The following SYT9 variants were observed in gnomAD, a reference collection of about 807,000 sequenced individuals.
The protein encoded by SYT9 is synaptotagmin-9.
In SYT9, 22 loss-of-function variants were observed where a neutral mutation model predicts 48.4. The ratio of observed to expected loss-of-function variants is 0.45; its 90% confidence interval spans 0.32 to 0.65. The LOEUF is 0.65. Among genes scored for constraint, SYT9 ranks in the 30% least tolerant of loss-of-function variants. The pLI is 0.03. For missense variants in SYT9, 577 were observed against 622.0 expected, an observed-to-expected ratio of 0.93 and a Z score of 0.77; for synonymous variants, 265 against 245.0, an observed-to-expected ratio of 1.08 and a Z score of -0.76.
At chr11:7,357,515 G>T (rs959208912) in intron 3 of SYT9, among the ~76,000 whole-genome samples, 2 of 152,124 alleles carry the variant, frequency 1.3e-5, no homozygotes, top group African/African-American at 4.8e-5. Flanking sequence ...CAGCTTCTCT[G>T]AGAGAATCCT....
At chr11:7,354,235 T>C (rs1849974712) in intron 3 of SYT9, among the ~76,000 whole-genome samples, 1 of 152,170 alleles carries the variant, frequency 6.6e-6, no homozygotes, top group South Asian at 2.1e-4. Context: ...TACCCCCTTG[T>C]CTCCTTTCTG....
intron 3 of SYT9, among the ~76,000 whole-genome samples, chr11:7,411,747 G>A (rs1847140243): frequency 6.6e-6 from 1 of 152,068 alleles, no homozygotes; most frequent in African/African-American, 2.4e-5. Context: ...CCCTATATGA[G>A]TCTTTTCTAG....
intron 3 of SYT9, among the ~76,000 whole-genome samples, chr11:7,346,614 C>G (rs1040834943): frequency 6.6e-6 from 1 of 152,138 alleles, no homozygotes; most frequent in African/African-American, 2.4e-5. Context: ...GGTCTTTTGG[C>G]GTGTACTGCT....
intron 6 of SYT9, among the ~76,000 whole-genome samples, chr11:7,426,794 A>G (rs577843331): frequency 9.2e-4 from 140 of 152,052 alleles, no homozygotes; most frequent in African/African-American, 1.8e-3. Flanking sequence ...ATTTCCCTCT[A>G]CCTATGACTC....
intron 1 of SYT9, among the ~76,000 whole-genome samples, chr11:7,276,647 C>G (rs1197285700): frequency 6.6e-6 from 1 of 152,166 alleles, no homozygotes; most frequent in Non-Finnish European, 1.5e-5. Flanking sequence ...TCTGCCTTCC[C>G]CCTCCTGGTG....
chr11:7,397,940 G>A (rs1441099016), intron 3 of SYT9, among the ~76,000 whole-genome samples: 1 of 152,136 alleles, frequency 6.6e-6, no homozygotes, highest in African/African-American at 2.4e-5. Flanking sequence ...AGATGATTTT[G>A]CTTCTTTTTA....
chr11:7,430,026 G>A (rs943507616), intron 6 of SYT9, among the ~76,000 whole-genome samples: 1 of 151,936 alleles, frequency 6.6e-6, no homozygotes, highest in African/African-American at 2.4e-5. Context: ...CAGTCACATA[G>A]CTGTCCTTTC....
At chr11:7,450,980 C>G (rs1255313414) in intron 6 of SYT9, among the ~76,000 whole-genome samples, 1 of 152,192 alleles carries the variant, frequency 6.6e-6, no homozygotes, top group Non-Finnish European at 1.5e-5. Flanking sequence ...GCTCACTTAA[C>G]AATTAAAACT....
chr11:7,352,868 T>TG (rs1849944476), intron 3 of SYT9, among the ~76,000 whole-genome samples: 1 of 152,270 alleles, frequency 6.6e-6, no homozygotes, highest in African/African-American at 2.4e-5. Context: ...ATCTTAAAAG[T>TG]GGGGTGTGAG....
intron 6 of SYT9, among the ~76,000 whole-genome samples, chr11:7,463,227 C>A (rs1848265069): frequency 6.6e-6 from 1 of 152,184 alleles, no homozygotes; most frequent in Admixed American, 6.5e-5. Context: ...GCCAAGCTAG[C>A]ATTATGCTCA....
At chr11:7,373,402 C>T (rs1850397801) in intron 3 of SYT9, among the ~76,000 whole-genome samples, 1 of 152,070 alleles carries the variant, frequency 6.6e-6, no homozygotes, top group Non-Finnish European at 1.5e-5. Flanking sequence ...TTTTTCCCTA[C>T]CTCACCTCTC....
Position 7,464,214 on chromosome 11 carries a change from TC to T in SYT9, c.1468-2576del, listed in dbSNP as rs1393324270. ...ATATGCATGTCACTAGCTGGGGGAA[TC>T]CAGAGAAATGGGATAAGCAGCTAGG... On this transcript the variant is annotated intron_variant, in intron 6 of 6. Transcript: ENST00000318881. Among the ~76,000 whole-genome samples, 3 of 152,226 alleles carry T rather than the reference TC, an allele frequency of 2.0e-5. No homozygotes were observed. In the East Asian group the frequency reaches 5.8e-4, roughly 29 times the overall value.
intron 3 of SYT9, 156 bp downstream of exon 3, chr11:7,314,097 G>C (rs1168272350): frequency 7.2e-6 from 6 of 830,108 alleles, no homozygotes; most frequent in Non-Finnish European, 1.2e-5. Context: ...TCAGAAACAG[G>C]GTTTTAACAA....
At chr11:7,282,302 C>T (rs1002163749) in intron 1 of SYT9, among the ~76,000 whole-genome samples, 1 of 152,126 alleles carries the variant, frequency 6.6e-6, no homozygotes, top group Non-Finnish European at 1.5e-5. Context: ...AGAGGAAATG[C>T]CAAACCCATT....
intron 3 of SYT9, among the ~76,000 whole-genome samples, chr11:7,371,110 G>T (rs543405011): frequency 6.6e-6 from 1 of 152,000 alleles, no homozygotes; most frequent in Admixed American, 6.6e-5. Context: ...CATTAAAGCC[G>T]CTTAATAATA....
intron 6 of SYT9, among the ~76,000 whole-genome samples, chr11:7,434,730 T>TAG (rs1847670483): frequency 1.3e-5 from 2 of 152,226 alleles, no homozygotes; most frequent in African/African-American, 4.8e-5. Context: ...TGTCAATATT[T>TAG]ATTATAAGCA....
chr11:7,243,118 C>T (rs114348420), intron 1 of SYT9, among the ~76,000 whole-genome samples: 2,415 of 151,972 alleles, frequency 0.016, 65 homozygotes, highest in African/African-American at 0.056. Flanking sequence ...AAGAACATTT[C>T]TGAAAAGTAG....
chr11:7,390,248 C>T (rs1390548345), intron 3 of SYT9, among the ~76,000 whole-genome samples: 2 of 152,116 alleles, frequency 1.3e-5, no homozygotes, highest in Admixed American at 6.6e-5. Context: ...GGTTTTCTGT[C>T]CTTGCAATAG....
chr11:7,259,274 A>G (rs1298689192), intron 1 of SYT9, among the ~76,000 whole-genome samples: 1 of 152,092 alleles, frequency 6.6e-6, no homozygotes, highest in Non-Finnish European at 1.5e-5. Context: ...TAATTTTCCC[A>G]TTGTTAACAC....
Sources: allele counts gnomAD v4.1 joint callset (sites outside exome capture counted in the v4.1 genomes callset), GRCh38; gene constraint gnomAD v4.1.1; transcripts MANE v1.5; gene names NCBI Gene and HGNC (gene_info 2026-07-23, HGNC 2026-07-21).